Variants in STK3 observed in about 807,000 individuals in gnomAD.
STK3 encodes the protein serine/threonine kinase 3.
In STK3, 41 loss-of-function variants were observed where a neutral mutation model predicts 58.0. The ratio of observed to expected loss-of-function variants is 0.71; its 90% CI spans 0.55 to 0.92. The LOEUF (loss-of-function observed/expected upper bound fraction) is 0.92, where lower values mean the gene tolerates loss of function less well. Among genes scored for constraint, STK3 ranks in the 40% least tolerant of loss-of-function variants. The probability of loss-of-function intolerance (pLI) is 0.00; values close to 1 mark genes in which losing one functional copy is unlikely to be tolerated. For synonymous variants in STK3, 170 were observed against 191.0 expected (o/e 0.89, Z 0.91); for missense variants, 479 against 602.7 (o/e 0.79, Z 2.15).
Position 98,428,650 on chromosome 8 carries a change from A to G in STK3, n.483+5477T>C, listed in dbSNP as rs774922579. ...GACAGCCAGGGCAACCCTGGCGAGG[A>G]CCCTAGGTTCGAAATCGTGGAGCAC... On this transcript the variant is annotated intron_variant and non_coding_transcript_variant, in intron 3 of 3. Coordinates refer to the STK3 transcript ENST00000517832. This position sits in a 1 kb window ranked among gnomAD's most constrained non-coding sequence, Gnocchi z 6.7. 6 of 1,614,012 alleles carry G rather than the reference A, an allele frequency of 3.7e-6. No individual in the cohort carries two copies. The Admixed American group carries it at 6.7e-5, about 18-fold the overall frequency.
chr8:98,628,891 T>G (rs1305918157), intron 6 of STK3, among the ~76,000 whole-genome samples: 4 of 149,472 alleles, frequency 2.7e-5, no homozygotes, highest in East Asian at 2.0e-4. Context: ...AGGAATAAAG[T>G]AGACGAAGGC....
chr8:98,618,749 A>T, intron 6 of STK3, among the ~76,000 whole-genome samples: 6 of 143,072 alleles, frequency 4.2e-5, no homozygotes, highest in African/African-American at 1.7e-4. Context: ...TAGGAATCCA[A>T]CTTACAAGGG....
At chr8:98,811,846 G>A (rs551535261) in intron 1 of STK3, among the ~76,000 whole-genome samples, 1 of 152,284 alleles carries the variant, frequency 6.6e-6, no homozygotes, top group African/African-American at 2.4e-5. Flanking sequence ...TTTTTGAGAC[G>A]AAGTCTTGGT....
At chr8:98,654,981 G>C (rs1459261114) in intron 6 of STK3, among the ~76,000 whole-genome samples, 13 of 151,524 alleles carry the variant, frequency 8.6e-5, no homozygotes, top group African/African-American at 2.2e-4. Context: ...TTGGAAAAAA[G>C]TACTTTAAAG....
At chr8:98,756,462 C>T (rs1001536814) in intron 3 of STK3, among the ~76,000 whole-genome samples, 1 of 151,912 alleles carries the variant, frequency 6.6e-6, no homozygotes, top group African/African-American at 2.4e-5. Flanking sequence ...TGAAGGGCCT[C>T]AAAACCAAGG....
chr8:98,849,968 A>G (rs1244588699), intron 3 of STK3, among the ~76,000 whole-genome samples: 1 of 152,166 alleles, frequency 6.6e-6, no homozygotes, highest in Non-Finnish European at 1.5e-5. Context: ...CAACTGTTCA[A>G]CACTTTCTGT....
intron 10 of STK3, among the ~76,000 whole-genome samples, chr8:98,462,568 G>C (rs1820082339): frequency 6.6e-6 from 1 of 151,548 alleles, no homozygotes; most frequent in Non-Finnish European, 1.5e-5. Context: ...GTATGAGGTT[G>C]AGTTTACAGG....
intron 2 of STK3, among the ~76,000 whole-genome samples, chr8:98,376,470 C>T (rs1295620044): frequency 6.6e-6 from 1 of 152,020 alleles, no homozygotes; most frequent in Non-Finnish European, 1.5e-5. Flanking sequence ...TATTTTAATA[C>T]CATGTCTAAG....
intron 1 of STK3, among the ~76,000 whole-genome samples, chr8:98,890,264 T>G (rs1372386710): frequency 3.3e-5 from 5 of 152,062 alleles, no homozygotes; most frequent in Admixed American, 2.6e-4. Flanking sequence ...CATCCCAATT[T>G]CTCCACAGCC....
intron 6 of STK3, among the ~76,000 whole-genome samples, chr8:98,695,454 T>G (rs927829993): frequency 6.6e-6 from 1 of 152,222 alleles, no homozygotes; most frequent in African/African-American, 2.4e-5. Context: ...TGCCTAGGTT[T>G]TCTTCTAGGA....
At chr8:98,781,343 G>A (rs1014093004) in intron 1 of STK3, among the ~76,000 whole-genome samples, 2 of 152,124 alleles carry the variant, frequency 1.3e-5, no homozygotes, top group Non-Finnish European at 2.9e-5. Context: ...AGCTATGCAG[G>A]GAAAAGGTTC....
chr8:98,812,904 G>C (rs551018469), intron 1 of STK3, among the ~76,000 whole-genome samples: 16 of 152,144 alleles, frequency 1.1e-4, no homozygotes, highest in Non-Finnish European at 2.4e-4. Flanking sequence ...GGGGAGTGAG[G>C]AGGGATAGCA....
At chr8:98,452,836 C>T (rs1318670045), downstream of STK3, among the ~76,000 whole-genome samples, 1 of 149,286 alleles carries the variant, frequency 6.7e-6, no homozygotes, top group African/African-American at 2.5e-5. Flanking sequence ...TCTCAGCTCA[C>T]TGCAACCTCC....
intron 2 of STK3, among the ~76,000 whole-genome samples, chr8:98,373,532 T>C (rs1262659516): frequency 6.6e-6 from 1 of 152,208 alleles, no homozygotes; most frequent in Non-Finnish European, 1.5e-5. Flanking sequence ...GCAGGTACTA[T>C]TTTCATGCCA....
intron 6 of STK3, among the ~76,000 whole-genome samples, chr8:98,697,072 T>C (rs1825014485): frequency 2.0e-5 from 3 of 152,240 alleles, no homozygotes. Flanking sequence ...AACTTCTTCC[T>C]GGTTTAATCT....
chr8:98,543,323 T>C (rs1346474911), intron 9 of STK3, among the ~76,000 whole-genome samples: 3 of 152,052 alleles, frequency 2.0e-5, no homozygotes, highest in Non-Finnish European at 2.9e-5. Flanking sequence ...CTATAAGCAA[T>C]TGGTAGTCAC....
At chr8:98,692,784 C>T (rs959977530) in intron 6 of STK3, among the ~76,000 whole-genome samples, 4 of 151,646 alleles carry the variant, frequency 2.6e-5, no homozygotes, top group Non-Finnish European at 5.9e-5. Context: ...TATACTTATA[C>T]TATATAAATG....
chr8:98,470,406 C>A (rs1820831301), intron 10 of STK3, among the ~76,000 whole-genome samples: 1 of 152,174 alleles, frequency 6.6e-6, no homozygotes, highest in South Asian at 2.1e-4. Flanking sequence ...TCTAATTACC[C>A]CAGTTGTGAG....
At chr8:98,460,735 T>C (rs906739682) in intron 10 of STK3, among the ~76,000 whole-genome samples, 6 of 152,158 alleles carry the variant, frequency 3.9e-5, no homozygotes, top group African/African-American at 9.7e-5. Flanking sequence ...GATGGGTTTA[T>C]GAGGGGCTCT....
Sources: gnomAD v4.1 joint callset for allele counts (sites outside exome capture counted in the v4.1 genomes callset) on GRCh38, gnomAD v4.1.1 for gene constraint, Gnocchi (gnomAD v3.1) non-coding constraint, MANE v1.5 for transcripts, NCBI Gene and HGNC (gene_info 2026-07-23, HGNC 2026-07-21) for gene names.